UBE2R2: variants seen among roughly 807,000 people sequenced by gnomAD.
The protein encoded by UBE2R2 is ubiquitin-conjugating enzyme E2 R2.
Under a neutral mutation model 27.8 loss-of-function variants are expected in UBE2R2, and 1 was observed. That is an observed-to-expected ratio of 0.04 (90% CI 0.01 to 0.17). The LOEUF is 0.17. Ranked by LOEUF, UBE2R2 falls within the 10% of genes least tolerant of loss-of-function variation. UBE2R2 has a pLI of 1.00. For missense variants in UBE2R2, 100 were observed against 291.0 expected (o/e 0.34, Z 4.78); for synonymous variants, 106 against 113.3 (o/e 0.94, Z 0.41).
chr9:33,885,108 C>T (rs1380273989), intron 1 of UBE2R2, among the ~76,000 whole-genome samples: 2 of 152,170 alleles, frequency 1.3e-5, no homozygotes, highest in Non-Finnish European at 2.9e-5. Context: ...TGCATGTCTT[C>T]AACTTAATTC....
intron 1 of UBE2R2, among the ~76,000 whole-genome samples, chr9:33,875,326 A>T (rs1005569709): frequency 6.6e-6 from 1 of 152,254 alleles, no homozygotes. Context: ...ATAATGGGTA[A>T]GAGCAAATTT....
At chr9:33,861,388 C>T (rs1361349770) in intron 1 of UBE2R2, among the ~76,000 whole-genome samples, 3 of 152,042 alleles carry the variant, frequency 2.0e-5, no homozygotes, top group African/African-American at 4.8e-5. Context: ...GCCGACATCT[C>T]TACAAACCCC....
Position 33,898,653 on chromosome 9 carries a change from A to G in UBE2R2, c.265-1521A>G, listed in dbSNP as rs184862442. Among the ~76,000 whole-genome samples the G allele has an allele frequency of 5.9e-5, 9 of 152,342 alleles. No homozygotes were observed. The East Asian group carries it at 1.7e-3, about 29-fold the overall frequency. On this transcript the variant is annotated intron_variant, in intron 2 of 4. Transcript: ENST00000263228. ...ACCCTAGAGTCCCAGCTATGGGACTACTGAGGTGTGAGGATCACTTGAGGC... is the reference window on the plus strand; with the variant it reads ...ACCCTAGAGTCCCAGCTATGGGACTGCTGAGGTGTGAGGATCACTTGAGGC...
chr9:33,911,058 G>A (rs185841760), intron 3 of UBE2R2, among the ~76,000 whole-genome samples: 2 of 151,934 alleles, frequency 1.3e-5, no homozygotes, highest in Admixed American at 6.6e-5. Context: ...GAGCTGAGAT[G>A]GCACCACTGC....
intron 1 of UBE2R2, among the ~76,000 whole-genome samples, chr9:33,844,239 T>C (rs1465271183): frequency 1.3e-5 from 2 of 152,212 alleles, no homozygotes; most frequent in Non-Finnish European, 2.9e-5. Flanking sequence ...AGTTTCACTC[T>C]TGTCGCCCAG....
intron 1 of UBE2R2, among the ~76,000 whole-genome samples, chr9:33,884,198 ATC>A (rs777923492): frequency 0.14 from 9,084 of 62,970 alleles, 544 homozygotes; most frequent in African/African-American, 0.27. Context: ...CAACTTAAGA[ATC>A]TCTCTCTCTC....
chr9:33,838,865 C>T (rs533318036), intron 1 of UBE2R2, among the ~76,000 whole-genome samples: 1 of 151,686 alleles, frequency 6.6e-6, no homozygotes, highest in Non-Finnish European at 1.5e-5. Flanking sequence ...GGTGGATCAC[C>T]TGAGATGAAG....
intron 1 of UBE2R2, among the ~76,000 whole-genome samples, chr9:33,823,614 G>A (rs920944220): frequency 3.1e-4 from 47 of 152,012 alleles, no homozygotes; most frequent in Non-Finnish European, 4.7e-4. Flanking sequence ...GACCTCAGAT[G>A]ATCTACCCGC....
Position 33,897,901 on chromosome 9 carries a change from G to A in UBE2R2, c.265-2273G>A, listed in dbSNP as rs562032293. Among the ~76,000 whole-genome samples the A allele has an allele frequency of 2.3e-4, 34 of 149,268 alleles. No individual in the cohort carries two copies. In the South Asian group the frequency reaches 7.0e-3, roughly 31 times the overall value. ...AGTGATTCTCCTGCCTCAGCCTCTC[G>A]AGTAGCTAGGATTACAGGCATGCAC... On this transcript the variant is annotated intron_variant, in intron 2 of 4. Coordinates refer to ENST00000263228, the MANE Select transcript of UBE2R2 (RefSeq NM_017811.4).
At chr9:33,860,680 C>G (rs1333349816) in intron 1 of UBE2R2, among the ~76,000 whole-genome samples, 1 of 152,074 alleles carries the variant, frequency 6.6e-6, no homozygotes. Flanking sequence ...GCAGGAAGAT[C>G]ACTTGAGTAT....
At chr9:33,899,620 A>T (rs765792400) in intron 2 of UBE2R2, among the ~76,000 whole-genome samples, 2 of 151,834 alleles carry the variant, frequency 1.3e-5, no homozygotes, top group Non-Finnish European at 2.9e-5. Context: ...TGATCTGCCC[A>T]CCTTGGTCTC....
intron 1 of UBE2R2, among the ~76,000 whole-genome samples, chr9:33,822,870 T>C (rs1820184093): frequency 6.6e-6 from 1 of 151,642 alleles, no homozygotes; most frequent in Non-Finnish European, 1.5e-5. Context: ...CATTTAGATA[T>C]TTTATTTCTT....
At chr9:33,897,024 A>AT (rs749987839) in intron 2 of UBE2R2, among the ~76,000 whole-genome samples, 8,529 of 40,624 alleles carry the variant, frequency 0.21, 3,572 homozygotes, top group East Asian at 0.42. Flanking sequence ...CTGTGGCCTA[A>AT]TTTTTTTTTT....
intron 2 of UBE2R2, among the ~76,000 whole-genome samples, chr9:33,894,249 T>C (rs1477524955): frequency 1.3e-5 from 2 of 151,844 alleles, no homozygotes; most frequent in South Asian, 2.1e-4. Flanking sequence ...CTGGGCAACA[T>C]AGCAAGATCC....
At chr9:33,863,024 T>C (rs781327649) in intron 1 of UBE2R2, among the ~76,000 whole-genome samples, 12 of 151,674 alleles carry the variant, frequency 7.9e-5, no homozygotes, top group Non-Finnish European at 1.6e-4. Context: ...ACATCTCTAC[T>C]AAAAATACAA....
chr9:33,817,922 C>G lies in UBE2R2; in HGVS notation c.165C>G (p.Gly55=), dbSNP rs757148957. 4.4e-6 allele frequency: 7 copies of G among 1,608,264 alleles called. No individual in the cohort carries two copies. In the African/African-American group the frequency reaches 6.7e-5, roughly 15 times the overall value. The change falls in exon 1 of 5, where the codon GGC becomes GGG. Residue 55 remains glycine (G), a synonymous_variant. Transcript: ENST00000263228. ...IFGPPNTLYE[G]GYFKAHIKFP... is the part of the protein sequence containing the mutation. ...GACCCCCCAACACCCTCTACGAAGG[C>G]GGCTACTTCAAGGTACCCTCACCCT... is the stretch of plus-strand genomic sequence containing the variant.
At chr9:33,862,934 T>C (rs1442337873) in intron 1 of UBE2R2, among the ~76,000 whole-genome samples, 1 of 152,092 alleles carries the variant, frequency 6.6e-6, no homozygotes, top group South Asian at 2.1e-4. Flanking sequence ...GCATGGTGGC[T>C]CACATCTGCT....
intron 1 of UBE2R2, among the ~76,000 whole-genome samples, chr9:33,851,081 T>C (rs917869099): frequency 6.6e-6 from 1 of 152,242 alleles, no homozygotes; most frequent in African/African-American, 2.4e-5. Flanking sequence ...TTACTTCCAT[T>C]CCCACTTCTA....
At chr9:33,821,035 A>C (rs565665769) in intron 1 of UBE2R2, among the ~76,000 whole-genome samples, 1 of 132,458 alleles carries the variant, frequency 7.5e-6, no homozygotes, top group Non-Finnish European at 1.8e-5. Flanking sequence ...TGGCCTTACT[A>C]TCTTTTTGTG....
Sources: gnomAD v4.1 joint callset for allele counts (sites outside exome capture counted in the v4.1 genomes callset) on GRCh38, gnomAD v4.1.1 for gene constraint, MANE v1.5 for transcripts, NCBI Gene and HGNC (gene_info 2026-07-23, HGNC 2026-07-21) for gene names.